CRIM1: variants seen among roughly 807,000 people sequenced by gnomAD.
CRIM1 encodes cysteine-rich motor neuron 1 protein.
CRIM1 carries 32 observed loss-of-function variants against 116.4 expected under a neutral mutation model. The ratio of observed to expected loss-of-function variants is 0.27; its 90% CI spans 0.21 to 0.37. CRIM1 has a LOEUF of 0.37. Ranked by LOEUF, CRIM1 falls within the 10% of genes least tolerant of loss-of-function variation. The probability of loss-of-function intolerance (pLI) is 1.00; values close to 1 mark genes in which losing one functional copy is unlikely to be tolerated. For synonymous variants in CRIM1, 590 were observed against 509.2 expected, an observed-to-expected ratio of 1.16 and a Z score of -2.13; for missense variants, 1,331 against 1,354.8, an observed-to-expected ratio of 0.98 and a Z score of 0.28.
At chr2:36,464,502 T>G in intron 4 of CRIM1, 32 bp from the exon 5 acceptor site, 1 of 1,613,378 alleles carries the variant, frequency 6.2e-7, no homozygotes, top group Non-Finnish European at 8.5e-7. Flanking sequence ...TGTTTATTCA[T>G]GGGGTTTTCC....
rs186973552 is a variant in CRIM1 at position 36,426,720 on chromosome 2, A to G, written c.506-14538A>G. Among the ~76,000 whole-genome samples, 207 of 152,350 alleles carry G rather than the reference A, an allele frequency of 1.4e-3. 1 individual carries two copies. The highest frequency in any genetic ancestry group is 2.1e-3 in the South Asian group (10 of 4,830). On this transcript the variant is annotated intron_variant, in intron 2 of 16. Transcript: ENST00000280527. The stretch of plus-strand genomic sequence containing the variant: ...AGTATCACTAAAGAAAACCTGTGGT[A>G]CTACCACTCCCCCTTGTTTATATCT...
In CRIM1 at chr2:36,396,735, C is replaced by G; in HGVS notation, c.453C>G (p.Pro151=). 6.2e-7 allele frequency: 1 copy of G among 1,613,642 alleles called. No individual in the cohort carries two copies. The highest frequency in any genetic ancestry group is 8.5e-7 in the Non-Finnish European group (1 of 1,179,584). Residue 151 remains proline (P), a synonymous_variant, in exon 2 of 17, where the codon CCC becomes CCG. Transcript: ENST00000280527. Reference sequence around the variant, plus strand: ...ACACCATTCGAACCTGCAGCAATCCCTTTGAGTTTCCAAGTCAGGATATGT... The same window carrying G: ...ACACCATTCGAACCTGCAGCAATCCGTTTGAGTTTCCAAGTCAGGATATGT... ...ECNTIRTCSN[P]FEFPSQDMCL...
intron 2 of CRIM1, among the ~76,000 whole-genome samples, chr2:36,399,921 G>T (rs1167684952): frequency 6.6e-6 from 1 of 152,212 alleles, no homozygotes; most frequent in Non-Finnish European, 1.5e-5. Flanking sequence ...AAATGTAGTA[G>T]GGTCACCTAC....
chr2:36,396,591 T>C (rs765931548), intron 1 of CRIM1, 23 bp from the exon 2 acceptor site: 9 of 1,525,202 alleles, frequency 5.9e-6, no homozygotes, highest in Middle Eastern at 3.5e-4. Context: ...ACACACATTA[T>C]CTGGTTGTTA....
chr2:36,361,575 A>C (rs1170796972), intron 1 of CRIM1, among the ~76,000 whole-genome samples: 1 of 152,180 alleles, frequency 6.6e-6, no homozygotes, highest in Non-Finnish European at 1.5e-5. Flanking sequence ...GGGAGAAGGG[A>C]AAATATTGAA....
At chr2:36,444,974 G>T (rs1385666809) in intron 4 of CRIM1, among the ~76,000 whole-genome samples, 1 of 152,114 alleles carries the variant, frequency 6.6e-6, no homozygotes, top group Non-Finnish European at 1.5e-5. Context: ...TTTTATCATA[G>T]CACTTTTCAT....
At chr2:36,394,400 T>G (rs1007538645) in intron 1 of CRIM1, among the ~76,000 whole-genome samples, 2 of 152,188 alleles carry the variant, frequency 1.3e-5, no homozygotes, top group African/African-American at 2.4e-5. Context: ...GTTAAACAGA[T>G]AAGAAATCAC....
intron 2 of CRIM1, among the ~76,000 whole-genome samples, chr2:36,411,758 A>C (rs1250909609): frequency 6.6e-6 from 1 of 152,064 alleles, no homozygotes; most frequent in Non-Finnish European, 1.5e-5. Flanking sequence ...GTGTTTCCTG[A>C]GAATTTTGGT....
At chr2:36,534,101 AGGAG>A (rs1403396674) in intron 13 of CRIM1, among the ~76,000 whole-genome samples, 4 of 133,456 alleles carry the variant, frequency 3.0e-5, no homozygotes, top group Non-Finnish European at 6.4e-5. Context: ...AAAGGAAGGA[AGGAG>A]GGAGGGAAGG....
intron 1 of CRIM1, among the ~76,000 whole-genome samples, chr2:36,389,021 G>A (rs997268218): frequency 1.3e-5 from 2 of 152,148 alleles, no homozygotes; most frequent in African/African-American, 4.8e-5. Flanking sequence ...ACAAATATTT[G>A]TGTCCACACT....
intron 2 of CRIM1, among the ~76,000 whole-genome samples, chr2:36,412,116 G>A (rs3770910): frequency 0.13 from 19,137 of 152,072 alleles, 1,510 homozygotes; most frequent in East Asian, 0.46. Flanking sequence ...CTCCCTTTAG[G>A]TAGACCAGAG....
intron 13 of CRIM1, among the ~76,000 whole-genome samples, chr2:36,533,467 T>G (rs1666259950): frequency 1.3e-5 from 2 of 149,626 alleles, no homozygotes; most frequent in Admixed American, 6.7e-5. Context: ...CCAGGCATAA[T>G]GGTGCATACT....
intron 6 of CRIM1, among the ~76,000 whole-genome samples, chr2:36,478,161 A>C (rs1679131160): frequency 6.6e-6 from 1 of 152,214 alleles, no homozygotes; most frequent in Non-Finnish European, 1.5e-5. Context: ...AAAATGTTTA[A>C]AGTATAAAAA....
At chr2:36,486,343 G>A (rs977599314) in intron 7 of CRIM1, among the ~76,000 whole-genome samples, 2 of 152,172 alleles carry the variant, frequency 1.3e-5, no homozygotes, top group South Asian at 2.1e-4. Context: ...TAGGAGTTCT[G>A]CTGCTGGTTC....
At chr2:36,392,934 AC>A (rs1350761839) in intron 1 of CRIM1, among the ~76,000 whole-genome samples, 1 of 152,182 alleles carries the variant, frequency 6.6e-6, no homozygotes, top group African/African-American at 2.4e-5. Flanking sequence ...GGGAATGGTC[AC>A]CTTTACCTGA....
chr2:36,509,792 A>C (rs1030784573), intron 8 of CRIM1, among the ~76,000 whole-genome samples, 191 bp from the exon 9 acceptor site: 3 of 152,166 alleles, frequency 2.0e-5, no homozygotes, highest in Admixed American at 2.0e-4. Context: ...GTTTATTATT[A>C]CCAAAACATG....
At chr2:36,502,986 G>C (rs1681108847) in intron 8 of CRIM1, among the ~76,000 whole-genome samples, 2 of 152,142 alleles carry the variant, frequency 1.3e-5, no homozygotes, top group Admixed American at 1.3e-4. Flanking sequence ...TATACCTAAA[G>C]ACTTACTTCA....
chr2:36,364,467 A>G (rs1204812798), intron 1 of CRIM1, among the ~76,000 whole-genome samples: 1 of 152,348 alleles, frequency 6.6e-6, no homozygotes, highest in East Asian at 1.9e-4. Flanking sequence ...GCCATGAGAT[A>G]ACGGAAATGC....
intron 5 of CRIM1, among the ~76,000 whole-genome samples, chr2:36,469,961 G>T (rs138148407): frequency 6.6e-6 from 1 of 152,026 alleles, no homozygotes; most frequent in Non-Finnish European, 1.5e-5. Context: ...TCTTCTCCCT[G>T]TGGAATAAGC....
Sources: gnomAD v4.1 joint callset for allele counts (sites outside exome capture counted in the v4.1 genomes callset) on GRCh38, gnomAD v4.1.1 for gene constraint, MANE v1.5 for transcripts, NCBI Gene and HGNC (gene_info 2026-07-23, HGNC 2026-07-21) for gene names.